LRRIQ3: variants seen among roughly 807,000 people sequenced by gnomAD.
LRRIQ3 encodes leucine rich repeats and IQ motif containing 3, also known as leucine-rich repeat and IQ domain-containing protein 3.
Under a neutral mutation model 59.3 loss-of-function variants are expected in LRRIQ3, and 75 were observed. The observed-to-expected ratio is 1.26, with a 90% CI of 1.05 to 1.53. The LOEUF is 1.53. Ranked by LOEUF, LRRIQ3 falls within the 40% of genes most tolerant of loss-of-function variation. LRRIQ3 has a pLI of 0.00. For missense variants in LRRIQ3, 831 were observed against 710.0 expected (o/e 1.17, Z -1.94); for synonymous variants, 250 against 231.3 (o/e 1.08, Z -0.73).
chr1:74,128,308 C>T (rs552184881), intron 4 of LRRIQ3, among the ~76,000 whole-genome samples: 1 of 152,080 alleles, frequency 6.6e-6, no homozygotes, highest in South Asian at 2.1e-4. Flanking sequence ...TTTGTCTCCT[C>T]TGTATGTTTT....
chr1:74,042,961 C>A lies in LRRIQ3; in HGVS notation c.998-1028G>T, dbSNP rs908948691. 2.6e-5 allele frequency among the ~76,000 whole-genome samples: 4 copies of A among 152,186 alleles called. No individual in the cohort carries two copies. The East Asian group carries it at 7.7e-4, about 29-fold the overall frequency. ...AGAAGCTGCCTGCCTGCCTGAATCACTTGTTGAAAAAACTTCTCATGGACC... is the reference window on the plus strand; with the variant it reads ...AGAAGCTGCCTGCCTGCCTGAATCAATTGTTGAAAAAACTTCTCATGGACC... On this transcript the variant is annotated intron_variant, in intron 6 of 7. Transcript: ENST00000354431.
intron 6 of LRRIQ3, among the ~76,000 whole-genome samples, chr1:74,049,207 G>A (rs371835190): frequency 6.6e-6 from 1 of 152,300 alleles, no homozygotes; most frequent in Non-Finnish European, 1.5e-5. Context: ...GAGGAGAGTG[G>A]TGCTGGAGAC....
chr1:74,180,750 A>C (rs1649927466), intron 3 of LRRIQ3: 1 of 1,550,120 alleles, frequency 6.5e-7, no homozygotes, highest in Admixed American at 2.0e-5. Context: ...AAGTTCCTAA[A>C]CCTCACTATG....
At chr1:74,029,323 C>G (rs370661821) in intron 7 of LRRIQ3, among the ~76,000 whole-genome samples, 6 of 152,222 alleles carry the variant, frequency 3.9e-5, no homozygotes, top group African/African-American at 1.4e-4. Flanking sequence ...CCAGTTTTTG[C>G]CCATTCAGTA....
intron 3 of LRRIQ3, among the ~76,000 whole-genome samples, chr1:74,159,738 C>T (rs1648552926): frequency 6.6e-6 from 1 of 152,062 alleles, no homozygotes; most frequent in African/African-American, 2.4e-5. Flanking sequence ...TCTTAAATTA[C>T]AGGCATATAA....
rs186968056 is a variant in LRRIQ3 at position 74,080,143 on chromosome 1, T to A, written c.868-5353A>T. ...CTTTAGTCAGATACATCTATCTACC[T>A]GTTCTGTTGATTCTATATCACACAC... is the stretch of plus-strand genomic sequence containing the variant. On this transcript the variant is annotated intron_variant, in intron 5 of 7. Coordinates refer to ENST00000354431, the MANE Select transcript of LRRIQ3 (RefSeq NM_001105659.2). 1.2e-3 allele frequency among the ~76,000 whole-genome samples: 182 copies of A among 151,704 alleles called. 1 individual carries two copies. Among genetic ancestry groups the A allele is most frequent in the African/African-American group, 4.3e-3 (179 of 41,506 alleles).
intron 6 of LRRIQ3, among the ~76,000 whole-genome samples, chr1:74,062,945 A>T (rs1453897370): frequency 6.6e-6 from 1 of 152,126 alleles, no homozygotes; most frequent in Non-Finnish European, 1.5e-5. Flanking sequence ...TACAATTTAT[A>T]TATGTAGTAA....
intron 3 of LRRIQ3, among the ~76,000 whole-genome samples, chr1:74,174,603 A>G (rs1211963808): frequency 6.7e-6 from 1 of 149,224 alleles, no homozygotes; most frequent in Non-Finnish European, 1.5e-5. Flanking sequence ...CATGTTAACC[A>G]GGCTGGCCTT....
At chr1:74,128,687 T>C (rs1253144531) in intron 4 of LRRIQ3, among the ~76,000 whole-genome samples, 3 of 152,062 alleles carry the variant, frequency 2.0e-5, no homozygotes, top group Admixed American at 6.6e-5. Context: ...CACTGAAGAA[T>C]TGGGTATTTA....
intron 7 of LRRIQ3, among the ~76,000 whole-genome samples, chr1:74,028,631 G>T (rs1428684765): frequency 6.6e-6 from 1 of 151,872 alleles, no homozygotes; most frequent in Non-Finnish European, 1.5e-5. Flanking sequence ...TAAGAGTACA[G>T]GTAGTAAAGC....
chr1:74,054,453 T>C (rs1429778904), intron 6 of LRRIQ3, among the ~76,000 whole-genome samples: 2 of 152,074 alleles, frequency 1.3e-5, no homozygotes, highest in Non-Finnish European at 2.9e-5. Context: ...TACCGCGATG[T>C]TGGATAAATA....
chr1:74,180,745 C>T, intron 3 of LRRIQ3: 1 of 1,550,332 alleles, frequency 6.5e-7, no homozygotes, highest in East Asian at 2.4e-5. Flanking sequence ...TGGGTAAGTT[C>T]CTAAACCTCA....
At chr1:74,049,397 A>G (rs1177759099) in intron 6 of LRRIQ3, among the ~76,000 whole-genome samples, 2 of 152,214 alleles carry the variant, frequency 1.3e-5, no homozygotes, top group Admixed American at 6.6e-5. Context: ...GGGACTGGTT[A>G]AGAGGCTACT....
intron 4 of LRRIQ3, among the ~76,000 whole-genome samples, chr1:74,137,856 C>T (rs1647150251): frequency 6.6e-6 from 1 of 151,604 alleles, no homozygotes; most frequent in Non-Finnish European, 1.5e-5. Flanking sequence ...GAAGACAAAA[C>T]ACTGCATGTT....
At chr1:74,109,314 G>T (rs1263405667) in intron 5 of LRRIQ3, 80 bp downstream of exon 5, 2 of 1,016,362 alleles carry the variant, frequency 2.0e-6, no homozygotes, top group Non-Finnish European at 2.9e-6. Context: ...AGAGACTGAA[G>T]AAATAATAGC....
chr1:74,159,853 T>C (rs995822976), intron 3 of LRRIQ3, among the ~76,000 whole-genome samples: 1 of 152,078 alleles, frequency 6.6e-6, no homozygotes, highest in African/African-American at 2.4e-5. Flanking sequence ...TATATAGTCA[T>C]AAAAACGATT....
At chr1:74,097,613 C>A (rs1223266509) in intron 5 of LRRIQ3, among the ~76,000 whole-genome samples, 2 of 152,044 alleles carry the variant, frequency 1.3e-5, no homozygotes, top group Non-Finnish European at 2.9e-5. Flanking sequence ...TCAGATTCAA[C>A]AAAGTTGAAA....
intron 3 of LRRIQ3, among the ~76,000 whole-genome samples, chr1:74,169,447 A>G (rs1348653675): frequency 6.6e-6 from 1 of 152,182 alleles, no homozygotes; most frequent in Non-Finnish European, 1.5e-5. Context: ...ATGCTGGATC[A>G]TATGATAGCT....
chr1:74,122,792 C>T (rs970884040), intron 4 of LRRIQ3, among the ~76,000 whole-genome samples: 13 of 152,088 alleles, frequency 8.5e-5, no homozygotes, highest in Non-Finnish European at 1.6e-4. Context: ...GTCTAAAACA[C>T]CAAAAGCAAT....
Sources: gnomAD v4.1 joint callset for allele counts (sites outside exome capture counted in the v4.1 genomes callset) on GRCh38, gnomAD v4.1.1 for gene constraint, MANE v1.5 for transcripts, NCBI Gene and HGNC (gene_info 2026-07-23, HGNC 2026-07-21) for gene names.